LDLRAD3: variants seen among roughly 807,000 people sequenced by gnomAD.
LDLRAD3 encodes low-density lipoprotein receptor class A domain-containing protein 3.
In LDLRAD3, 20 loss-of-function variants were observed where a neutral mutation model predicts 29.4. The observed-to-expected ratio is 0.68, with a 90% CI of 0.48 to 0.99. The LOEUF (loss-of-function observed/expected upper bound fraction) is 0.99. Ranked by LOEUF, LDLRAD3 falls within the 50% of genes least tolerant of loss-of-function variation. The pLI, the probability that LDLRAD3 is intolerant of heterozygous loss-of-function variation, is 0.00. For missense variants in LDLRAD3, 420 were observed against 454.3 expected (o/e 0.92, Z 0.69); for synonymous variants, 157 against 192.7 (o/e 0.81, Z 1.53).
intron 4 of LDLRAD3, among the ~76,000 whole-genome samples, chr11:36,124,141 G>C (rs892326504): frequency 2.6e-5 from 4 of 152,208 alleles, no homozygotes; most frequent in African/African-American, 9.7e-5. Context: ...AGCTCTATTT[G>C]TGTTTATCTG....
chr11:36,080,852 G>A (rs576002015), intron 2 of LDLRAD3, among the ~76,000 whole-genome samples: 3 of 152,292 alleles, frequency 2.0e-5, no homozygotes, highest in African/African-American at 7.2e-5. Flanking sequence ...GAGTTGTAAT[G>A]TAACAACATA....
At chr11:36,117,702 A>G (rs1853694492) in intron 4 of LDLRAD3, among the ~76,000 whole-genome samples, 1 of 152,252 alleles carries the variant, frequency 6.6e-6, no homozygotes, top group Non-Finnish European at 1.5e-5. Context: ...GGTGTCTGCA[A>G]CTGAGCTTCC....
At chr11:35,997,154 C>A in intron 1 of LDLRAD3, 1 of 274,720 alleles carries the variant, frequency 3.6e-6, no homozygotes, top group African/African-American at 2.3e-5. Flanking sequence ...TTTTAGTTGT[C>A]AAATGATCCT....
Position 36,081,700 on chromosome 11 carries a change from G to A in LDLRAD3, c.241G>A (p.Gly81Ser), listed in dbSNP as rs141638796. Residue 81 changes from glycine (G) to serine (S), a missense_variant, in exon 3 of 6, where the codon GGC becomes AGC. Around this residue, in one of 3 missense-constraint regions of LDLRAD3, gnomAD observed 224 missense variants for 222.2 expected, o/e 1.01. Transcript: ENST00000315571. ...CCCAACCTTCTTCCCCTGTGCCAGC[G>A]GCATCCATTGCATCATTGGTCGCTT... ...CGPTFFPCAS[G>S]IHCIIGRFRC... 46 of 1,614,052 alleles carry A rather than the reference G, an allele frequency of 2.8e-5. 1 individual carries two copies. The highest frequency in any genetic ancestry group is 8.0e-5 in the African/African-American group (6 of 74,900).
chr11:36,060,942 T>C (rs1852689040), intron 2 of LDLRAD3, among the ~76,000 whole-genome samples: 2 of 152,216 alleles, frequency 1.3e-5, no homozygotes, highest in South Asian at 2.1e-4. Context: ...TAAATATGTA[T>C]ATAAAAGTGT....
intron 1 of LDLRAD3, among the ~76,000 whole-genome samples, chr11:35,985,083 G>A (rs961625716): frequency 6.6e-6 from 1 of 151,896 alleles, no homozygotes; most frequent in Non-Finnish European, 1.5e-5. Flanking sequence ...ATGCCATCAT[G>A]CCAGGCTCAC....
chr11:36,209,746 A>G (rs1262188948), intron 4 of LDLRAD3, among the ~76,000 whole-genome samples: 1 of 152,266 alleles, frequency 6.6e-6, no homozygotes, highest in Non-Finnish European at 1.5e-5. Flanking sequence ...CCTAGCATAT[A>G]GAAAGTGCTG....
At chr11:35,969,021 G>C (rs955667974) in intron 1 of LDLRAD3, among the ~76,000 whole-genome samples, 3 of 152,174 alleles carry the variant, frequency 2.0e-5, no homozygotes, top group Admixed American at 2.0e-4. Context: ...CCGGCTCAGA[G>C]TCACGATTTT....
At chr11:36,101,885 C>CTTTTTTTTT in intron 4 of LDLRAD3, 2 of 224,086 alleles carry the variant, frequency 8.9e-6, no homozygotes, top group Non-Finnish European at 1.6e-5. Flanking sequence ...CCACTGTCAT[C>CTTTTTTTTT]TTTTTTTTTT....
Position 35,944,798 on chromosome 11 carries a change from A to G in LDLRAD3, c.46+654A>G, listed in dbSNP as rs1057430928. Among the ~76,000 whole-genome samples the G allele has an allele frequency of 3.3e-5, 5 of 152,164 alleles. No homozygotes were observed. Among genetic ancestry groups the G allele is most frequent in the African/African-American group, 1.2e-4 (5 of 41,446 alleles). On this transcript the variant is annotated intron_variant, in intron 1 of 5. Coordinates refer to ENST00000315571, the MANE Select transcript of LDLRAD3 (RefSeq NM_174902.4). The surrounding 1 kb of genome is among the most constrained non-coding windows in gnomAD (Gnocchi z 4.9). ...GTCTGACCACCCTACTTGCCCCGCGATGGGCGCCCTGACCGGCGAGGGGCC... is the reference window on the plus strand; with the variant it reads ...GTCTGACCACCCTACTTGCCCCGCGGTGGGCGCCCTGACCGGCGAGGGGCC...
At chr11:36,102,745 G>A (rs1304073544) in intron 4 of LDLRAD3, among the ~76,000 whole-genome samples, 1 of 152,134 alleles carries the variant, frequency 6.6e-6, no homozygotes. Context: ...TGTGGAGCAG[G>A]CTTTCGATGG....
In LDLRAD3 at chr11:35,944,062, A is replaced by C. The variant is rs1171251910; in HGVS notation, c.-37A>C. ...GGGTCAGCGCCGAGGCCGCGGGGGCAGCAACGACGCCGGGCAGCGGGAGCG... is the reference window on the plus strand; with the variant it reads ...GGGTCAGCGCCGAGGCCGCGGGGGCCGCAACGACGCCGGGCAGCGGGAGCG... On this transcript the variant is annotated 5_prime_UTR_variant, in exon 1 of 6. Coordinates refer to ENST00000315571, the MANE Select transcript of LDLRAD3 (RefSeq NM_174902.4). The surrounding 1 kb of genome is among the most constrained non-coding windows in gnomAD (Gnocchi z 4.9). The C allele has an allele frequency of 2.8e-6, 3 of 1,074,874 alleles. No homozygotes were observed. The highest frequency in any genetic ancestry group is 1.1e-6 in the Non-Finnish European group (1 of 887,786). The allele number at this position is 1,074,874 out of a possible 1,614,324, so 66.6% of individuals were successfully genotyped here. A position where few individuals can be genotyped will look rare whatever the true frequency, so the allele number is the denominator to read the frequency against.
chr11:36,012,607 A>G (rs1565161126), intron 1 of LDLRAD3, among the ~76,000 whole-genome samples: 1 of 152,230 alleles, frequency 6.6e-6, no homozygotes, highest in Non-Finnish European at 1.5e-5. Context: ...TAATAGGCAG[A>G]TAGTGTAGAC....
rs754104248 is a variant in LDLRAD3, at chr11:35,950,963, A to G, written c.46+6819A>G. 1.5e-4 allele frequency among the ~76,000 whole-genome samples: 23 copies of G among 152,078 alleles called. 1 individual carries two copies. The highest frequency in any genetic ancestry group is 5.9e-4 in the Admixed American group (9 of 15,270). ...CCGGGAGTGGTGGCACGCACCTGTA[A>G]TCCCAGCTACTTGGGAGGCTGAGGC... On this transcript the variant is annotated intron_variant, in intron 1 of 5. Transcript: ENST00000315571.
intron 4 of LDLRAD3, among the ~76,000 whole-genome samples, chr11:36,145,284 G>A (rs1182773123): frequency 1.0e-5 from 1 of 98,120 alleles, no homozygotes; most frequent in East Asian, 4.4e-4. Context: ...CCGGCCAGCT[G>A]CCCCATCCGG....
At chr11:35,987,029 G>T (rs372652163) in intron 1 of LDLRAD3, among the ~76,000 whole-genome samples, 20 of 152,280 alleles carry the variant, frequency 1.3e-4, no homozygotes, top group African/African-American at 4.8e-4. Context: ...AATGAATGAG[G>T]CATTTAAAAT....
chr11:36,083,347 T>G (rs925789732), intron 3 of LDLRAD3, among the ~76,000 whole-genome samples: 1 of 152,206 alleles, frequency 6.6e-6, no homozygotes, highest in African/African-American at 2.4e-5. Context: ...CCACATATTT[T>G]AATAAATATT....
chr11:35,962,077 TCATTTTCA>T (rs1210208293), intron 1 of LDLRAD3, among the ~76,000 whole-genome samples: 4 of 152,350 alleles, frequency 2.6e-5, no homozygotes, highest in African/African-American at 9.6e-5. Flanking sequence ...TGGTGACTCC[TCATTTTCA>T]CATTTTCACT....
intron 1 of LDLRAD3, among the ~76,000 whole-genome samples, chr11:35,962,662 G>A (rs1192108498): frequency 1.3e-5 from 2 of 152,176 alleles, no homozygotes; most frequent in Admixed American, 1.3e-4. Context: ...AGCATATTTA[G>A]GGGAGGACAC....
Sources: allele counts gnomAD v4.1 joint callset (sites outside exome capture counted in the v4.1 genomes callset), GRCh38; gene constraint gnomAD v4.1.1; regional missense constraint gnomAD v4.1.1; non-coding constraint Gnocchi (gnomAD v3.1); transcripts MANE v1.5; gene names NCBI Gene and HGNC (gene_info 2026-07-23, HGNC 2026-07-21).